The following PBX1 variants were observed in gnomAD, a reference collection of about 807,000 sequenced individuals.
PBX1 encodes PBX homeobox 1, also known as pre-B-cell leukemia transcription factor 1.
PBX1 carries 6 observed loss-of-function variants against 53.4 expected under a neutral mutation model. The ratio of observed to expected loss-of-function variants is 0.11; its 90% CI spans 0.06 to 0.22. The LOEUF is 0.22. Among genes scored for constraint, PBX1 ranks in the 10% least tolerant of loss-of-function variants. The pLI, the probability that PBX1 is intolerant of heterozygous loss-of-function variation, is 1.00. For synonymous variants in PBX1, 204 were observed against 212.3 expected (o/e 0.96, Z 0.34); for missense variants, 251 against 551.4 (o/e 0.46, Z 5.46).
chr1:164,736,083 G>C (rs1056577312), intron 2 of PBX1, among the ~76,000 whole-genome samples: 6 of 152,120 alleles, frequency 3.9e-5, no homozygotes, highest in Non-Finnish European at 8.8e-5. Flanking sequence ...GGCCATCCTG[G>C]TTGCACTTGA....
intron 2 of PBX1, among the ~76,000 whole-genome samples, chr1:164,573,861 G>GGGT (rs1654042668): frequency 6.6e-6 from 1 of 152,160 alleles, no homozygotes; most frequent in Admixed American, 6.5e-5. Context: ...TCTACCATAT[G>GGGT]GGACAGCACA....
chr1:164,620,076 C>G (rs942388133), intron 2 of PBX1, among the ~76,000 whole-genome samples: 7 of 152,046 alleles, frequency 4.6e-5, no homozygotes, highest in African/African-American at 1.7e-4. Flanking sequence ...ATCTGTAGTC[C>G]TAGCTACTCA....
intron 2 of PBX1, chr1:164,769,784 C>T (rs917712826): frequency 6.6e-6 from 1 of 152,132 alleles, no homozygotes; most frequent in Admixed American, 6.5e-5. Context: ...CCATTTTGGT[C>T]TATAAAAAAA....
At chr1:164,708,061 G>A (rs1663545987) in intron 2 of PBX1, among the ~76,000 whole-genome samples, 1 of 152,178 alleles carries the variant, frequency 6.6e-6, no homozygotes, top group Non-Finnish European at 1.5e-5. Context: ...GTCCCCATCT[G>A]GTAGGCCATG....
intron 2 of PBX1, among the ~76,000 whole-genome samples, chr1:164,870,254 CTTCCTTCCTTCCTTCTTTCTTTCTTTCT>C (rs1672325472): frequency 1.7e-4 from 11 of 64,682 alleles, no homozygotes; most frequent in Admixed American, 1.1e-3. Flanking sequence ...TCCTTCCTTC[CTTCCTTCCTTCCTTCTTTCTTTCTTTCT>C]TTCTTTCTTT....
At chr1:164,773,755 C>T (rs1667506395) in intron 2 of PBX1, among the ~76,000 whole-genome samples, 1 of 152,172 alleles carries the variant, frequency 6.6e-6, no homozygotes, top group Admixed American at 6.5e-5. Context: ...CCTGGAGTCT[C>T]TGCTCTCTCC....
At chr1:164,874,415 G>A (rs182544802) in intron 2 of PBX1, among the ~76,000 whole-genome samples, 89 of 152,264 alleles carry the variant, frequency 5.8e-4, no homozygotes, top group African/African-American at 2.1e-3. Flanking sequence ...GCGTTGTTGT[G>A]TATTCTATAA....
At chr1:164,585,364 A>G (rs1488724495) in intron 2 of PBX1, among the ~76,000 whole-genome samples, 1 of 152,108 alleles carries the variant, frequency 6.6e-6, no homozygotes, top group Non-Finnish European at 1.5e-5. Flanking sequence ...GGCAGTTCTA[A>G]TGTTTCTGAG....
At chr1:164,755,244 G>A (rs182852644) in intron 2 of PBX1, among the ~76,000 whole-genome samples, 6 of 152,206 alleles carry the variant, frequency 3.9e-5, no homozygotes, top group African/African-American at 7.2e-5. Flanking sequence ...TCCGCCTCCC[G>A]GTTTCAAGCG....
At chr1:164,751,581 CTTTT>C (rs1231289371) in intron 2 of PBX1, among the ~76,000 whole-genome samples, 4 of 138,018 alleles carry the variant, frequency 2.9e-5, no homozygotes, top group Admixed American at 7.4e-5. Context: ...TATTGCCCCC[CTTTT>C]TTTTTTTTTT....
chr1:164,650,086 A>G (rs2101919393), intron 2 of PBX1, among the ~76,000 whole-genome samples: 1 of 152,332 alleles, frequency 6.6e-6, no homozygotes, highest in Non-Finnish European at 1.5e-5. Context: ...AGACAAAATT[A>G]GGGCAAATGT....
Position 164,559,526 on chromosome 1 carries a change from G to A in PBX1, c.-297G>A, listed in dbSNP as rs551744085. The A allele has an allele frequency of 2.9e-6, 1 of 347,204 alleles. No individual in the cohort carries two copies. Among genetic ancestry groups the A allele is most frequent in the Admixed American group, 4.6e-5 (1 of 21,680 alleles). The allele number at this position is 347,204 out of a possible 1,614,324, so 21.5% of individuals were successfully genotyped here. ...GCTCTGATTTCTTTTCGCCAAGTGG[G>A]AAGGTGGTTTATTTTTCTTGCTTTT... On this transcript the variant is annotated 5_prime_UTR_variant, in exon 1 of 9. Transcript: ENST00000420696.
At chr1:164,796,686 A>G (rs1325878777) in intron 3 of PBX1, among the ~76,000 whole-genome samples, 1 of 152,240 alleles carries the variant, frequency 6.6e-6, no homozygotes, top group African/African-American at 2.4e-5. Context: ...CTTCCCTTTC[A>G]GTGTCTGCTT....
At chr1:164,647,687 C>T (rs1659538874) in intron 2 of PBX1, among the ~76,000 whole-genome samples, 1 of 152,040 alleles carries the variant, frequency 6.6e-6, no homozygotes. Context: ...TCAACCCTGG[C>T]TGAACATTAA....
chr1:164,645,256 G>A (rs1233093596), intron 2 of PBX1, among the ~76,000 whole-genome samples: 2 of 152,116 alleles, frequency 1.3e-5, no homozygotes, highest in Admixed American at 6.5e-5. Context: ...CTTTTGGTGA[G>A]ATAGAATTGT....
chr1:164,791,028 TC>T (rs1283998465), intron 2 of PBX1, among the ~76,000 whole-genome samples: 1 of 152,126 alleles, frequency 6.6e-6, no homozygotes, highest in Non-Finnish European at 1.5e-5. Flanking sequence ...GCCACCTCCA[TC>T]CCCAAAATGT....
intron 2 of PBX1, among the ~76,000 whole-genome samples, chr1:164,687,265 G>T (rs944973708): frequency 2.6e-5 from 4 of 152,240 alleles, no homozygotes; most frequent in Non-Finnish European, 4.4e-5. Flanking sequence ...TTATCAACTG[G>T]TATCTAAGTA....
intron 2 of PBX1, among the ~76,000 whole-genome samples, chr1:164,747,434 G>C (rs1352426410): frequency 6.6e-6 from 1 of 151,916 alleles, no homozygotes; most frequent in Non-Finnish European, 1.5e-5. Context: ...CTTTGGTCAT[G>C]CTTATATTCT....
At chr1:164,633,977 T>C (rs912114048) in intron 2 of PBX1, among the ~76,000 whole-genome samples, 3 of 152,212 alleles carry the variant, frequency 2.0e-5, no homozygotes, top group African/African-American at 4.8e-5. Context: ...TTCCATTCAA[T>C]TGAGGAAGGA....
Sources: allele counts gnomAD v4.1 joint callset (sites outside exome capture counted in the v4.1 genomes callset), GRCh38; gene constraint gnomAD v4.1.1; transcripts MANE v1.5; gene names NCBI Gene and HGNC (gene_info 2026-07-23, HGNC 2026-07-21).